Variants in NEDD4 observed in about 807,000 individuals in gnomAD.
NEDD4 encodes the protein E3 ubiquitin-protein ligase NEDD4.
A neutral mutation model predicts 144.9 loss-of-function variants in NEDD4; 99 were observed. The ratio of observed to expected loss-of-function variants is 0.68; its 90% CI spans 0.58 to 0.81. NEDD4 has a LOEUF of 0.81. Ranked by LOEUF, NEDD4 falls within the 30% of genes least tolerant of loss-of-function variation. The probability of loss-of-function intolerance (pLI) is 0.00; values close to 1 mark genes in which losing one functional copy is unlikely to be tolerated. For synonymous variants in NEDD4, 318 were observed against 350.6 expected (o/e 0.91, Z 1.04); for missense variants, 985 against 1,065.9 (o/e 0.92, Z 1.06).
At position 55,951,423 on chromosome 15, in the gene NEDD4, T is replaced by C; in HGVS notation, c.199-9A>G. 2 of 1,130,348 alleles carry C rather than the reference T, an allele frequency of 1.8e-6. No individual in the cohort carries two copies. Among genetic ancestry groups the C allele is most frequent in the Non-Finnish European group, 2.5e-6 (2 of 796,854 alleles). The allele number at this position is 1,130,348 out of a possible 1,614,324, so 70.0% of individuals were successfully genotyped here. The stretch of plus-strand genomic sequence containing the variant: ...CACTTTGGATTCAAACTCTAAAAAA[T>C]AATAAACATAGTATAACTAAATAAG... On this transcript the variant is annotated splice_polypyrimidine_tract_variant and intron_variant, in intron 3 of 28. Transcript: ENST00000435532.
intron 1 of NEDD4, 21 bp downstream of exon 1, chr15:55,993,490 G>A (rs1254995881): frequency 6.3e-7 from 1 of 1,593,722 alleles, no homozygotes; most frequent in Non-Finnish European, 8.5e-7. Flanking sequence ...AGCCCGCCCC[G>A]CAGCCCCGCG....
At chr15:55,927,825 T>C (rs74682505) in intron 4 of NEDD4, among the ~76,000 whole-genome samples, 21,740 of 152,078 alleles carry the variant, frequency 0.14, 2,056 homozygotes, top group Non-Finnish European at 0.21. Context: ...GAGCTTTGCT[T>C]AGGATGGCCC....
In NEDD4 at chr15:55,966,901, T is replaced by G. The variant is rs1186423040; in HGVS notation, c.46-355A>C. Among the ~76,000 whole-genome samples, 3 of 152,182 alleles carry G rather than the reference T, an allele frequency of 2.0e-5. No individual in the cohort carries two copies. The South Asian group carries it at 6.2e-4, about 32-fold the overall frequency. On this transcript the variant is annotated intron_variant, in intron 1 of 28. Transcript: ENST00000435532. ...TCATAACCATTTGGCTTTTGGTTTTTTTTTGAGACAGAGTCTCACTCTGTT... is the reference window on the plus strand; with the variant it reads ...TCATAACCATTTGGCTTTTGGTTTTGTTTTGAGACAGAGTCTCACTCTGTT...
intron 2 of NEDD4, 109 bp downstream of exon 2, chr15:55,966,364 T>C (rs1364721298): frequency 2.7e-5 from 18 of 656,682 alleles, no homozygotes; most frequent in Non-Finnish European, 4.1e-5. Context: ...TATTATACTT[T>C]CCACAACAAT....
At chr15:55,915,791 C>A in intron 5 of NEDD4, 3 of 1,613,648 alleles carry the variant, frequency 1.9e-6, no homozygotes, top group Non-Finnish European at 2.5e-6. Flanking sequence ...GTAACGAGCC[C>A]TTCCTGTGAA....
rs893118478 is a variant in NEDD4, at chr15:55,827,434, A to C, written c.*2463T>G. The C allele has an allele frequency of 2.6e-5, 4 of 152,222 alleles. No homozygotes were observed. The highest frequency in any genetic ancestry group is 5.9e-5 in the Non-Finnish European group (4 of 68,042). 9.4% of individuals were successfully genotyped at this position (152,222 alleles called of 1,614,324 possible). On this transcript the variant is annotated 3_prime_UTR_variant, in exon 29 of 29. Coordinates refer to ENST00000435532, the MANE Select transcript of NEDD4 (RefSeq NM_006154.4). ...AGGTCTGCAGCTGGGGACTGGTGGCAGTTGAGTCTGGTCTCATTTAACATC... is the reference window on the plus strand; with the variant it reads ...AGGTCTGCAGCTGGGGACTGGTGGCCGTTGAGTCTGGTCTCATTTAACATC...
At chr15:55,917,192 A>C (rs2036477110) in intron 5 of NEDD4, 2 of 996,170 alleles carry the variant, frequency 2.0e-6, no homozygotes, top group South Asian at 4.4e-5. Context: ...TGCATGAATG[A>C]GTAACACAAG....
chr15:55,974,159 T>C (rs190035447), intron 1 of NEDD4, among the ~76,000 whole-genome samples: 1 of 152,218 alleles, frequency 6.6e-6, no homozygotes, highest in Admixed American at 6.5e-5. Context: ...CAATAAATTA[T>C]AAAACCTAAA....
At chr15:55,917,342 T>C (rs900710365) in intron 5 of NEDD4, among the ~76,000 whole-genome samples, 2 of 152,188 alleles carry the variant, frequency 1.3e-5, no homozygotes, top group African/African-American at 2.4e-5. Context: ...CCCATAGGTA[T>C]AGAATTACAG....
intron 8 of NEDD4, among the ~76,000 whole-genome samples, chr15:55,865,643 T>C (rs1286220746): frequency 6.6e-6 from 1 of 152,060 alleles, no homozygotes; most frequent in Non-Finnish European, 1.5e-5. Flanking sequence ...ACAGAGCTTC[T>C]GTTCTAGGCC....
intron 23 of NEDD4, 108 bp downstream of exon 23, chr15:55,837,999 G>A: frequency 1.1e-6 from 1 of 920,438 alleles, no homozygotes; most frequent in South Asian, 1.7e-5. Context: ...TAGAGAAAAA[G>A]AACACTGAGA....
In NEDD4 at chr15:55,840,343, A is replaced by G. The variant is rs374080596; in HGVS notation, c.2031+104T>C. 71 of 979,258 alleles carry G rather than the reference A, an allele frequency of 7.3e-5. 2 individuals are homozygous for G. Among genetic ancestry groups the G allele is most frequent in the East Asian group, 3.5e-4 (13 of 37,672 alleles). 60.7% of individuals were successfully genotyped at this position (979,258 alleles called of 1,614,324 possible). A position where few individuals can be genotyped will look rare whatever the true frequency, so the allele number is the denominator to read the frequency against. On this transcript the variant is annotated intron_variant, in intron 21 of 28. Transcript: ENST00000435532. The stretch of plus-strand genomic sequence containing the variant: ...AAAAAGTTCATTTGTATTTTGAAAC[A>G]TGATAATATATTAATTTCCATGTCA...
At chr15:55,949,669 G>T (rs1234639831) in intron 4 of NEDD4, among the ~76,000 whole-genome samples, 1 of 152,138 alleles carries the variant, frequency 6.6e-6, no homozygotes, top group Non-Finnish European at 1.5e-5. Context: ...GATGAAGCTG[G>T]AAACCATCAT....
chr15:55,912,984 T>A (rs74015335), intron 5 of NEDD4, among the ~76,000 whole-genome samples: 1 of 152,108 alleles, frequency 6.6e-6, no homozygotes, highest in African/African-American at 2.4e-5. Context: ...GTAAAAGTTC[T>A]CATTAGATTT....
At chr15:55,876,693 T>C (rs1223055082) in intron 5 of NEDD4, among the ~76,000 whole-genome samples, 1 of 152,048 alleles carries the variant, frequency 6.6e-6, no homozygotes, top group African/African-American at 2.4e-5. Context: ...AAACTGCACA[T>C]TCTGAGAGCT....
intron 2 of NEDD4, among the ~76,000 whole-genome samples, chr15:55,965,014 TG>T (rs1184184880): frequency 1.3e-5 from 2 of 152,214 alleles, no homozygotes; most frequent in Non-Finnish European, 2.9e-5. Context: ...GTTTCTGTCA[TG>T]ACTTGAAGCA....
intron 7 of NEDD4, among the ~76,000 whole-genome samples, chr15:55,871,860 T>A (rs2034810167): frequency 1.3e-5 from 2 of 152,180 alleles, no homozygotes; most frequent in Non-Finnish European, 2.9e-5. Flanking sequence ...GTCAATGAGG[T>A]ATAGAAGATC....
intron 12 of NEDD4, among the ~76,000 whole-genome samples, chr15:55,853,163 TATA>T (rs1179865426): frequency 2.0e-5 from 3 of 152,186 alleles, no homozygotes; most frequent in Non-Finnish European, 4.4e-5. Context: ...AACCATGTAT[TATA>T]ATAAAAATGG....
intron 1 of NEDD4, among the ~76,000 whole-genome samples, chr15:55,975,931 C>T (rs754742233): frequency 7.9e-5 from 12 of 152,232 alleles, no homozygotes; most frequent in South Asian, 6.2e-4. Flanking sequence ...TAAAAACAGA[C>T]GTACAAACCA....
Sources: gnomAD v4.1 joint callset for allele counts (sites outside exome capture counted in the v4.1 genomes callset) on GRCh38, gnomAD v4.1.1 for gene constraint, MANE v1.5 for transcripts, NCBI Gene and HGNC (gene_info 2026-07-23, HGNC 2026-07-21) for gene names.